Variants in TIRAP observed in about 807,000 individuals in gnomAD.
TIRAP encodes the protein toll/interleukin-1 receptor domain-containing adapter protein.
TIRAP carries 20 observed loss-of-function variants against 19.8 expected under a neutral mutation model. The ratio of observed to expected loss-of-function variants is 1.01; its 90% CI spans 0.71 to 1.47. The LOEUF (loss-of-function observed/expected upper bound fraction) is 1.47, where lower values mean the gene tolerates loss of function less well. Among genes scored for constraint, TIRAP ranks in the 40% most tolerant of loss-of-function variants. The pLI, the probability that TIRAP is intolerant of heterozygous loss-of-function variation, is 0.00. For missense variants in TIRAP, 276 were observed against 285.1 expected (o/e 0.97, Z 0.23); for synonymous variants, 125 against 121.7 (o/e 1.03, Z -0.18).
chr11:126,285,243 G>GTGTGTGTGTGTATATATATAT, intron 1 of TIRAP, among the ~76,000 whole-genome samples: 2 of 106,974 alleles, frequency 1.9e-5, no homozygotes, highest in Non-Finnish European at 3.8e-5. Flanking sequence ...GTGTGTGTGT[G>GTGTGTGTGTGTATATATATAT]TATATATATA....
In TIRAP at chr11:126,292,533, A is replaced by G. The variant is rs775748248; in HGVS notation, c.124A>G (p.Ser42Gly). 1 of 1,614,078 alleles carries G rather than the reference A, an allele frequency of 6.2e-7. No individual in the cohort carries two copies. Among genetic ancestry groups the G allele is most frequent in the South Asian group, 1.1e-5 (1 of 91,086 alleles). ...CAAGAAGAGGCCCAACTCCCCAGAA[A>G]GCACCTCCAGCGATGCTTCACAGCC... Reference protein sequence around the residue: ...KPKKRPNSPESTSSDASQPTS... With the variant: ...KPKKRPNSPEGTSSDASQPTS... Residue 42 changes from serine (S) to glycine (G), a missense_variant, in exon 4 of 5, where the codon AGC becomes GGC. Coordinates refer to ENST00000392679, the MANE Select transcript of TIRAP (RefSeq NM_001318777.2).
chr11:126,290,139 C>G lies in TIRAP; in HGVS notation c.-216-323C>G, dbSNP rs572472720. ...ATTTCATTTAATCTTCACAATAATG[C>G]TGAGAAGGAGGCTCTAGTACTTCCA... On this transcript the variant is annotated intron_variant, in intron 1 of 4. Coordinates refer to ENST00000392679, the MANE Select transcript of TIRAP (RefSeq NM_001318777.2). This position sits in a 1 kb window ranked among gnomAD's most constrained non-coding sequence, Gnocchi z 4.9. Among the ~76,000 whole-genome samples the G allele has an allele frequency of 5.3e-5, 8 of 152,144 alleles. No individual in the cohort carries two copies. The highest frequency in any genetic ancestry group is 2.9e-5 in the Non-Finnish European group (2 of 68,032).
In TIRAP at chr11:126,294,749, T is replaced by C; in HGVS notation, c.*1062T>C. 1 of 296,678 alleles carries C rather than the reference T, an allele frequency of 3.4e-6. No individual in the cohort carries two copies. Among genetic ancestry groups the C allele is most frequent in the South Asian group, 2.9e-5 (1 of 34,794 alleles). The allele number at this position is 296,678 out of a possible 1,614,324, so 18.4% of individuals were successfully genotyped here. On this transcript the variant is annotated 3_prime_UTR_variant, in exon 5 of 5. Coordinates refer to ENST00000392679, the MANE Select transcript of TIRAP (RefSeq NM_001318777.2). Reference sequence around the variant, plus strand: ...GACCCCTCTTTTGCTGAAAAAAATTTTTATTATTTTTTCTATCTCTAGTTC... The same window carrying C: ...GACCCCTCTTTTGCTGAAAAAAATTCTTATTATTTTTTCTATCTCTAGTTC...
At position 126,292,960 on chromosome 11, in the gene TIRAP, G is replaced by A. The variant is rs746556658; in HGVS notation, c.551G>A (p.Arg184Lys). ...ATCCCCCTGCTGTCGGGCCTCAGCA[G>A]AGCTGCCTACCCACCTGAGCTCCGA... is the stretch of plus-strand genomic sequence containing the variant. ...CTIPLLSGLS[R>K]AAYPPELRFM... is the part of the protein sequence containing the mutation. The change falls in exon 4 of 5, where the codon AGA (arginine) becomes AAA (lysine). Residue 184 changes from arginine to lysine, a missense_variant. Transcript: ENST00000392679. 1.4e-5 allele frequency: 22 copies of A among 1,614,062 alleles called. No individual in the cohort carries two copies. The South Asian group carries it at 2.3e-4, about 17-fold the overall frequency.
rs1031232704 is a variant in TIRAP, at chr11:126,294,003, G to C, written c.*316G>C. ...ATTGGAGGTGGTAGGAAGTGGTACT[G>C]ATCAATGATGGCCAGCAGGACTCAT... is the stretch of plus-strand genomic sequence containing the variant. On this transcript the variant is annotated 3_prime_UTR_variant, in exon 5 of 5. Coordinates refer to ENST00000392679, the MANE Select transcript of TIRAP (RefSeq NM_001318777.2). The C allele has an allele frequency of 2.4e-4, 100 of 413,914 alleles. 3 individuals carry two copies. Among genetic ancestry groups the C allele is most frequent in the South Asian group, 2.4e-3 (97 of 41,264 alleles). The allele number at this position is 413,914 out of a possible 1,614,324, so 25.6% of individuals were successfully genotyped here.
chr11:126,289,443 A>G (rs1032530766), intron 1 of TIRAP, among the ~76,000 whole-genome samples: 1 of 152,108 alleles, frequency 6.6e-6, no homozygotes, highest in East Asian at 1.9e-4. Context: ...ATGCCCAGCT[A>G]ATTTTTGTAT....
In TIRAP at chr11:126,290,745, G is replaced by A. The variant is rs1024356322; in HGVS notation, c.-92-58G>A. On this transcript the variant is annotated intron_variant, in intron 2 of 4. Transcript: ENST00000392679. The surrounding 1 kb of genome is among the most constrained non-coding windows in gnomAD (Gnocchi z 4.9). ...ACAGAACTTCGCAGAGCTCATCCATGGGGAATGAGAGCAGGGTAAGTGCAG... is the reference window on the plus strand; with the variant it reads ...ACAGAACTTCGCAGAGCTCATCCATAGGGAATGAGAGCAGGGTAAGTGCAG... The A allele has an allele frequency of 3.6e-5, 51 of 1,429,516 alleles. No homozygotes were observed. Among genetic ancestry groups the A allele is most frequent in the South Asian group, 3.1e-4 (20 of 65,252 alleles). The allele number at this position is 1,429,516 out of a possible 1,614,324, so 88.6% of individuals were successfully genotyped here.
Position 126,290,594 on chromosome 11 carries a change from G to A in TIRAP, c.-93+9G>A. 1 of 1,148,824 alleles carries A rather than the reference G, an allele frequency of 8.7e-7. No individual in the cohort carries two copies. Among genetic ancestry groups the A allele is most frequent in the Non-Finnish European group, 1.1e-6 (1 of 935,364 alleles). The allele number at this position is 1,148,824 out of a possible 1,614,324, so 71.2% of individuals were successfully genotyped here. A position where few individuals can be genotyped will look rare whatever the true frequency, so the allele number is the denominator to read the frequency against. The stretch of plus-strand genomic sequence containing the variant: ...TGCTGAGCTCATACCCTGTAAGTCT[G>A]ACCACACTACACAGCTTTGGCTTTA... On this transcript the variant is annotated intron_variant, in intron 2 of 4. Transcript: ENST00000392679. This position sits in a 1 kb window ranked among gnomAD's most constrained non-coding sequence, Gnocchi z 4.9.
In TIRAP at chr11:126,292,458, C is replaced by T. The variant is rs1034528329; in HGVS notation, c.68-19C>T. ...GCACCTGGTAACACACAGGCCTGAG[C>T]AGTGTTTCTCCCCCACAGACTGGTT... On this transcript the variant is annotated intron_variant, in intron 3 of 4. Coordinates refer to ENST00000392679, the MANE Select transcript of TIRAP (RefSeq NM_001318777.2). 1.2e-6 allele frequency: 2 copies of T among 1,612,482 alleles called. No homozygotes were observed. The highest frequency in any genetic ancestry group is 1.7e-5 in the Admixed American group (1 of 59,854).
In TIRAP at chr11:126,284,033, C is replaced by CTTTT. The variant is rs749115228; in HGVS notation, c.-217+897_-217+900dup. Reference sequence around the variant, plus strand: ...CCATGGAATCATATATCATGTACTTCTTTTTTTTTTTTTTTTTTTTGAGAT... The same window carrying CTTTT: ...CCATGGAATCATATATCATGTACTTCTTTTTTTTTTTTTTTTTTTTTTTTGAGAT... On this transcript the variant is annotated intron_variant, in intron 1 of 4. Transcript: ENST00000392679. 9.0e-4 allele frequency among the ~76,000 whole-genome samples: 102 copies of CTTTT among 113,108 alleles called. 1 individual carries two copies. The highest frequency in any genetic ancestry group is 1.9e-3 in the East Asian group (7 of 3,666). 74.2% of individuals were successfully genotyped at this position (113,108 alleles called of 152,430 possible).
Position 126,292,794 on chromosome 11 carries a change from A to G in TIRAP, c.385A>G (p.Ile129Val). The G allele has an allele frequency of 1.9e-6, 3 of 1,612,942 alleles. No individual in the cohort carries two copies. Among genetic ancestry groups the G allele is most frequent in the Middle Eastern group, 3.3e-4 (2 of 6,062 alleles). Residue 129 changes from isoleucine (I) to valine (V), a missense_variant, in exon 4 of 5, where the codon ATA becomes GTA. Coordinates refer to ENST00000392679, the MANE Select transcript of TIRAP (RefSeq NM_001318777.2). The part of the protein sequence containing the change: ...QLRDATPGGA[I>V]VSELCQALSS... ...CCGGGATGCAACCCCAGGCGGCGCT[A>G]TAGTGTCCGAGCTGTGCCAGGCACT...
rs1951381421 is a variant in TIRAP at position 126,291,281 on chromosome 11, AGAG to A, written c.67+324_67+326del. On this transcript the variant is annotated intron_variant, in intron 3 of 4. Coordinates refer to ENST00000392679, the MANE Select transcript of TIRAP (RefSeq NM_001318777.2). This position sits in a 1 kb window ranked among gnomAD's most constrained non-coding sequence, Gnocchi z 5.6. The stretch of plus-strand genomic sequence containing the variant: ...CCAAATCTTTGTTCCAGAACCATTT[AGAG>A]GAGAAGCCAAGCAGAGAGAGAAAAT... 1 of 559,494 alleles carries A rather than the reference AGAG, an allele frequency of 1.8e-6. No individual in the cohort carries two copies. The highest frequency in any genetic ancestry group is 1.9e-5 in the African/African-American group (1 of 52,812). 34.7% of individuals were successfully genotyped at this position (559,494 alleles called of 1,614,324 possible). A position where few individuals can be genotyped will look rare whatever the true frequency, so the allele number is the denominator to read the frequency against.
chr11:126,292,402 T>C (rs1004503757), intron 3 of TIRAP, 75 bp from the exon 4 acceptor site: 1 of 1,531,442 alleles, frequency 6.5e-7, no homozygotes, highest in Non-Finnish European at 8.9e-7. Context: ...CCCTGTGAGG[T>C]GGGGCTCCTC....
rs777153653 is a variant in TIRAP at position 126,293,809 on chromosome 11, C to G, written c.*122C>G. On this transcript the variant is annotated 3_prime_UTR_variant, in exon 5 of 5. Coordinates refer to ENST00000392679, the MANE Select transcript of TIRAP (RefSeq NM_001318777.2). ...AGGGAGTGAGTCACAGCGCTTTGCT[C>G]GTGACCCTGGGATCAGAGCACCCAT... The G allele has an allele frequency of 2.7e-6, 3 of 1,115,338 alleles. No individual in the cohort carries two copies. Among genetic ancestry groups the G allele is most frequent in the Non-Finnish European group, 4.1e-6 (3 of 735,498 alleles). 69.1% of individuals were successfully genotyped at this position (1,115,338 alleles called of 1,614,324 possible). A position where few individuals can be genotyped will look rare whatever the true frequency, so the allele number is the denominator to read the frequency against.
chr11:126,289,425 C>T (rs1309742743), intron 1 of TIRAP, among the ~76,000 whole-genome samples: 1 of 152,132 alleles, frequency 6.6e-6, no homozygotes, highest in Non-Finnish European at 1.5e-5. Flanking sequence ...TTATAGGCGC[C>T]TGCCACCATG....
Position 126,290,578 on chromosome 11 carries a change from C to G in TIRAP, c.-100C>G. Reference sequence around the variant, plus strand: ...GTTCCTCAGCTGGTCATGCTGAGCTCATACCCTGTAAGTCTGACCACACTA... The same window carrying G: ...GTTCCTCAGCTGGTCATGCTGAGCTGATACCCTGTAAGTCTGACCACACTA... On this transcript the variant is annotated 5_prime_UTR_variant, in exon 2 of 5. The change creates a premature stop within an existing upstream ORF in the 5' untranslated region. Transcript: ENST00000392679. This position sits in a 1 kb window ranked among gnomAD's most constrained non-coding sequence, Gnocchi z 4.9. 9.1e-7 allele frequency: 1 copy of G among 1,096,976 alleles called. No homozygotes were observed. The highest frequency in any genetic ancestry group is 1.1e-6 in the Non-Finnish European group (1 of 902,610). 68.0% of individuals were successfully genotyped at this position (1,096,976 alleles called of 1,614,324 possible).
chr11:126,292,748 C>G lies in TIRAP; in HGVS notation c.339C>G (p.Ser113Arg), dbSNP rs367981684. The G allele has an allele frequency of 7.4e-6, 12 of 1,612,974 alleles. No homozygotes were observed. In the South Asian group the frequency reaches 8.8e-5, roughly 12 times the overall value. ...CCTACTTGGAAGGCAGCACTGCCAG[C>G]CTGCGCTGCTTCCTGCAACTCCGGG... ...LVSYLEGSTASLRCFLQLRDA... is the reference protein window; with the variant it reads ...LVSYLEGSTARLRCFLQLRDA... Residue 113 changes from serine (S) to arginine (R), a missense_variant, in exon 4 of 5, where the codon AGC (serine) becomes AGG (arginine). Physicochemically the swap from Ser to Arg is moderately radical, Grantham distance 110. Transcript: ENST00000392679.
In TIRAP at chr11:126,288,005, C is replaced by T. The variant is rs773571704; in HGVS notation, c.-216-2457C>T. ...CTGAGCTCACATGATCTGCCCACCT[C>T]GGCCTCCCAAAGTGCTGGGATTACA... On this transcript the variant is annotated intron_variant, in intron 1 of 4. Transcript: ENST00000392679. The surrounding 1 kb of genome is among the most constrained non-coding windows in gnomAD (Gnocchi z 5.0). Among the ~76,000 whole-genome samples, 2 of 152,224 alleles carry T rather than the reference C, an allele frequency of 1.3e-5. No homozygotes were observed. Among genetic ancestry groups the T allele is most frequent in the African/African-American group, 4.8e-5 (2 of 41,540 alleles).
In TIRAP at chr11:126,290,115, T is replaced by C. The variant is rs1951362857; in HGVS notation, c.-216-347T>C. 6.6e-6 allele frequency among the ~76,000 whole-genome samples: 1 copy of C among 152,204 alleles called. No individual in the cohort carries two copies. Among genetic ancestry groups the C allele is most frequent in the Admixed American group, 6.5e-5 (1 of 15,276 alleles). The stretch of plus-strand genomic sequence containing the variant: ...CACCATTAGGACTTTACATAAATGA[T>C]TTCATTTAATCTTCACAATAATGCT... On this transcript the variant is annotated intron_variant, in intron 1 of 4. Transcript: ENST00000392679. This position sits in a 1 kb window ranked among gnomAD's most constrained non-coding sequence, Gnocchi z 4.9.
Sources: gnomAD v4.1 joint callset for allele counts (sites outside exome capture counted in the v4.1 genomes callset) on GRCh38, gnomAD v4.1.1 for gene constraint, Gnocchi (gnomAD v3.1) non-coding constraint, MANE v1.5 for transcripts, NCBI Gene and HGNC (gene_info 2026-07-23, HGNC 2026-07-21) for gene names.